The following TSC2 variants were observed in gnomAD, a reference collection of about 807,000 sequenced individuals.
TSC2 encodes tuberin.
A neutral mutation model predicts 202.2 loss-of-function variants in TSC2; 29 were observed. That is an observed-to-expected ratio of 0.14 (90% CI 0.11 to 0.20). The LOEUF (loss-of-function observed/expected upper bound fraction) is 0.20, where lower values mean the gene tolerates loss of function less well. Among genes scored for constraint, TSC2 ranks in the 10% least tolerant of loss-of-function variants. The probability of loss-of-function intolerance (pLI) is 1.00; values close to 1 mark genes in which losing one functional copy is unlikely to be tolerated. For synonymous variants in TSC2, 1,349 were observed against 1,044.0 expected, an observed-to-expected ratio of 1.29 and a Z score of -5.63; for missense variants, 2,429 against 2,420.0, an observed-to-expected ratio of 1.00 and a Z score of -0.08.
chr16:2,080,132 T>C lies in TSC2; in HGVS notation c.3398-33T>C, dbSNP rs770102136. 1.3e-5 allele frequency: 21 copies of C among 1,611,972 alleles called. No homozygotes were observed. The East Asian group carries it at 4.2e-4, about 33-fold the overall frequency. ...GGCTGGTGGTTTTGCATCAGGTAAG[T>C]GGTGGTCACCAGTCCTCTGCCCTCT... On this transcript the variant is annotated intron_variant, in intron 29 of 41. Transcript: ENST00000219476.
At position 2,071,828 on chromosome 16, in the gene TSC2, C is replaced by G. The variant is rs991714565; in HGVS notation, c.1991C>G (p.Ser664Cys). Reference sequence around the variant, plus strand: ...GAGAAGAAGACCAGCGGCCCCCTTTCTCCTCCCACAGGGCCTCCTGGCCCG... The same window carrying G: ...GAGAAGAAGACCAGCGGCCCCCTTTGTCCTCCCACAGGGCCTCCTGGCCCG... ...GSEKKTSGPL[S>C]PPTGPPGPAP... The change falls in exon 19 of 42, where the codon TCT (serine) becomes TGT (cysteine). Residue 664 changes from serine (S) to cysteine (C), a missense_variant. Physicochemically the swap from Ser to Cys is moderately radical, Grantham distance 112. Coordinates refer to ENST00000219476, the MANE Select transcript of TSC2 (RefSeq NM_000548.5). The G allele has an allele frequency of 1.9e-6, 3 of 1,597,966 alleles. No individual in the cohort carries two copies. The highest frequency in any genetic ancestry group is 3.4e-5 in the Admixed American group (2 of 58,508).
chr16:2,071,411 G>T, intron 17 of TSC2, 99 bp from the exon 18 acceptor site: 1 of 1,255,356 alleles, frequency 8.0e-7, no homozygotes, highest in African/African-American at 1.5e-5. Flanking sequence ...CCTTTTCTGA[G>T]TGCCTGTGGT....
intron 11 of TSC2, 136 bp downstream of exon 11, chr16:2,060,949 G>T: frequency 8.8e-7 from 1 of 1,138,442 alleles, no homozygotes. Context: ...CTGGTGATTC[G>T]CAGTGGCGCT....
chr16:2,078,622 G>C (rs1330413277), intron 26 of TSC2: 1 of 316,146 alleles, frequency 3.2e-6, no homozygotes, highest in East Asian at 8.3e-5. Context: ...ACGGTGGAAG[G>C]CCACATGGGG....
chr16:2,048,767 C>T lies in TSC2; in HGVS notation c.138+14C>T, dbSNP rs201204330. 5.0e-6 allele frequency: 8 copies of T among 1,613,956 alleles called. No homozygotes were observed. The highest frequency in any genetic ancestry group is 2.7e-5 in the African/African-American group (2 of 75,028). On this transcript the variant is annotated intron_variant, in intron 2 of 41. Transcript: ENST00000219476. ...GAAATACTGAGAGTGAGTGAGCTAC[C>T]TGTGTCTTTGCTAGGCTAGAGGGAA...
intron 10 of TSC2, among the ~76,000 whole-genome samples, chr16:2,059,635 T>G (rs1318898825): frequency 6.7e-6 from 1 of 149,324 alleles, no homozygotes; most frequent in African/African-American, 2.5e-5. Context: ...TTCTCCTGCC[T>G]CAGCCTCCTG....
At chr16:2,068,345 T>TTTAGTAGAGATGGGCTTTCTC (rs2087694450) in intron 16 of TSC2, among the ~76,000 whole-genome samples, 1 of 152,146 alleles carries the variant, frequency 6.6e-6, no homozygotes, top group Non-Finnish European at 1.5e-5. Context: ...TGGCCTGTTT[T>TTTAGTAGAGATGGGCTTTCTC]CATTTCTTTT....
Position 2,048,009 on chromosome 16 carries a change from G to T in TSC2, c.-86G>T, listed in dbSNP as rs928713925. 4.7e-6 allele frequency: 7 copies of T among 1,484,124 alleles called. No homozygotes were observed. The highest frequency in any genetic ancestry group is 6.2e-6 in the Non-Finnish European group (7 of 1,120,550). 91.9% of individuals were successfully genotyped at this position (1,484,124 alleles called of 1,614,324 possible). On this transcript the variant is annotated 5_prime_UTR_variant, in exon 1 of 42. It adds an upstream start codon to the 5' untranslated region. Coordinates refer to ENST00000219476, the MANE Select transcript of TSC2 (RefSeq NM_000548.5). ...CGCTTCCGGCGGCGTCCCGGGGCCA[G>T]GGGGGTGCGCCTTTCTCCGCGTCGG...
chr16:2,058,632 C>G (rs576941381), intron 9 of TSC2, 115 bp from the exon 10 acceptor site: 121 of 1,488,156 alleles, frequency 8.1e-5, no homozygotes, highest in East Asian at 2.5e-4. Flanking sequence ...TCCTGCCCCC[C>G]CCAAGCACAG....
chr16:2,056,797 G>T (rs137854195), intron 8 of TSC2, 28 bp downstream of exon 8: 7 of 1,603,652 alleles, frequency 4.4e-6, no homozygotes, highest in East Asian at 2.2e-5. Context: ...GCTCTGGAAG[G>T]TTCCTGAGAG....
At chr16:2,069,060 G>C (rs965224901) in intron 16 of TSC2, among the ~76,000 whole-genome samples, 7 of 152,092 alleles carry the variant, frequency 4.6e-5, no homozygotes, top group Non-Finnish European at 8.8e-5. Flanking sequence ...GCATGTAAGT[G>C]ACCCATGAAG....
At position 2,089,012 on chromosome 16, in the gene TSC2, G is replaced by C; in HGVS notation, c.*402G>C. ...TACTTGCCCAGACCTGATGCCAGCA[G>C]GCCTGGGCGCTGCTCTCTTGCTACC... On this transcript the variant is annotated 3_prime_UTR_variant, in exon 42 of 42. Coordinates refer to ENST00000219476, the MANE Select transcript of TSC2 (RefSeq NM_000548.5). The C allele has an allele frequency of 4.4e-6, 1 of 228,596 alleles. No individual in the cohort carries two copies. Among genetic ancestry groups the C allele is most frequent in the Non-Finnish European group, 8.8e-6 (1 of 114,100 alleles). 14.2% of individuals were successfully genotyped at this position (228,596 alleles called of 1,614,324 possible). A position where few individuals can be genotyped will look rare whatever the true frequency, so the allele number is the denominator to read the frequency against.
chr16:2,079,909 G>C lies in TSC2; in HGVS notation c.3397+240G>C, dbSNP rs2089914448. On this transcript the variant is annotated intron_variant, in intron 29 of 41. Transcript: ENST00000219476. The surrounding 1 kb of genome is among the most constrained non-coding windows in gnomAD (Gnocchi z 4.6). The stretch of plus-strand genomic sequence containing the variant: ...TGCTGGTGTTTCCTGCGGGTTTTCA[G>C]CTCGGCTCAGTCCTGGAGCCCTTCT... Among the ~76,000 whole-genome samples the C allele has an allele frequency of 6.6e-6, 1 of 152,168 alleles. No individual in the cohort carries two copies. Among genetic ancestry groups the C allele is most frequent in the African/African-American group, 2.4e-5 (1 of 41,454 alleles).
chr16:2,078,070 G>A (rs1174606849), intron 26 of TSC2, among the ~76,000 whole-genome samples: 3 of 152,184 alleles, frequency 2.0e-5, no homozygotes, highest in South Asian at 2.1e-4. Flanking sequence ...TAGAATGGAC[G>A]TTTTTCTTCG....
At chr16:2,054,752 G>C in intron 5 of TSC2, 1 of 474,236 alleles carries the variant, frequency 2.1e-6, no homozygotes, top group Non-Finnish European at 3.9e-6. Flanking sequence ...CTGCTGACTT[G>C]GTCTCAACCG....
rs946283973 is a variant in TSC2, at chr16:2,089,218, C to G, written c.*608C>G. The G allele has an allele frequency of 5.7e-6, 1 of 174,044 alleles. No individual in the cohort carries two copies. Among genetic ancestry groups the G allele is most frequent in the Admixed American group, 5.5e-5 (1 of 18,292 alleles). The allele number at this position is 174,044 out of a possible 1,614,324, so 10.8% of individuals were successfully genotyped here. ...GGGGAGGCCAGCTCTGGGCGCAGGC[C>G]CCTCAGCCCTAGTGAAAATAGTGAC... On this transcript the variant is annotated 3_prime_UTR_variant, in exon 42 of 42. Coordinates refer to ENST00000219476, the MANE Select transcript of TSC2 (RefSeq NM_000548.5).
chr16:2,079,455 C>A lies in TSC2; in HGVS notation c.3284+27C>A, dbSNP rs1377750617. ...TGACTGCACCTTCCTTTCCTCCGCGCCTGCCAGCCTCGACACCGGCTGTCC... is the reference window on the plus strand; with the variant it reads ...TGACTGCACCTTCCTTTCCTCCGCGACTGCCAGCCTCGACACCGGCTGTCC... On this transcript the variant is annotated intron_variant, in intron 28 of 41. Coordinates refer to ENST00000219476, the MANE Select transcript of TSC2 (RefSeq NM_000548.5). The surrounding 1 kb of genome is among the most constrained non-coding windows in gnomAD (Gnocchi z 4.6). 1.9e-6 allele frequency: 3 copies of A among 1,612,502 alleles called. No homozygotes were observed. The highest frequency in any genetic ancestry group is 1.3e-5 in the African/African-American group (1 of 74,942).
chr16:2,055,045 C>A, intron 5 of TSC2: 1 of 397,512 alleles, frequency 2.5e-6, no homozygotes. Flanking sequence ...CACACGTCTC[C>A]TCCGAGCCAC....
intron 38 of TSC2, among the ~76,000 whole-genome samples, chr16:2,087,462 T>C (rs1386435657): frequency 7.5e-6 from 1 of 133,212 alleles, no homozygotes; most frequent in East Asian, 2.7e-4. Flanking sequence ...AGGTGGGCTC[T>C]GCTAGATGCC....
Sources: gnomAD v4.1 joint callset for allele counts (sites outside exome capture counted in the v4.1 genomes callset) on GRCh38, gnomAD v4.1.1 for gene constraint, Gnocchi (gnomAD v3.1) non-coding constraint, MANE v1.5 for transcripts, NCBI Gene and HGNC (gene_info 2026-07-23, HGNC 2026-07-21) for gene names.